Variants in CES3 observed in about 807,000 individuals in gnomAD.
The protein encoded by CES3 is carboxylesterase 3.
A neutral mutation model predicts 57.6 loss-of-function variants in CES3; 49 were observed. The observed-to-expected ratio is 0.85, with a 90% CI of 0.68 to 1.08. CES3 has a LOEUF of 1.08. CES3 is among the 50% of genes least tolerant of loss of function. The pLI is 0.00. For missense variants in CES3, 645 were observed against 742.0 expected, an observed-to-expected ratio of 0.87 and a Z score of 1.52; for synonymous variants, 266 against 281.6, an observed-to-expected ratio of 0.94 and a Z score of 0.55.
In CES3 at chr16:66,964,350, C is replaced by T. The variant is rs780130175; in HGVS notation, c.561-7C>T. 2 of 1,612,832 alleles carry T rather than the reference C, an allele frequency of 1.2e-6. No individual in the cohort carries two copies. Among genetic ancestry groups the T allele is most frequent in the African/African-American group, 1.3e-5 (1 of 75,042 alleles). On this transcript the variant is annotated splice_polypyrimidine_tract_variant and splice_region_variant and intron_variant, in intron 4 of 12. Coordinates refer to ENST00000303334, the MANE Select transcript of CES3 (RefSeq NM_024922.6). Reference sequence around the variant, plus strand: ...TGAACTAACCGTTGCCCCAACACTGCCCCCAGCACTGGAGATGAGCATGCA... The same window carrying T: ...TGAACTAACCGTTGCCCCAACACTGTCCCCAGCACTGGAGATGAGCATGCA...
At position 66,972,932 on chromosome 16, in the gene CES3, A is replaced by G; in HGVS notation, c.1599A>G (p.Pro533=). ...AATATCTGGAGATCAACCCAGTGCCACGGGCCGGACAGAAGTTCAGGGAGG... is the reference window on the plus strand; with the variant it reads ...AATATCTGGAGATCAACCCAGTGCCGCGGGCCGGACAGAAGTTCAGGGAGG... ...AEQYLEINPV[P]RAGQKFREAW... Residue 533 remains proline (P), a synonymous_variant, in exon 13 of 13, where the codon CCA becomes CCG. Transcript: ENST00000303334. The G allele has an allele frequency of 6.2e-7, 1 of 1,614,152 alleles. No individual in the cohort carries two copies. The highest frequency in any genetic ancestry group is 8.5e-7 in the Non-Finnish European group (1 of 1,180,018).
rs1420296420 is a variant in CES3, at chr16:66,972,494, G to T, written c.1430G>T (p.Ser477Ile). The T allele has an allele frequency of 1.2e-6, 2 of 1,612,852 alleles. No homozygotes were observed. Among genetic ancestry groups the T allele is most frequent in the Non-Finnish European group, 1.7e-6 (2 of 1,179,532 alleles). The change falls in exon 11 of 13, where the codon AGC becomes ATC. Residue 477 changes from serine (S) to isoleucine (I), a missense_variant. Transcript: ENST00000303334. ...GGAGGTCCCTTCCTCATGGACGAGA[G>T]CTCCCGCCTGGGTGAGGACAGACAG... The part of the protein sequence containing the change: ...VFGGPFLMDE[S>I]SRLAFPEATE...
In CES3 at chr16:66,975,132, A is replaced by G. The variant is rs1000580779; in HGVS notation, c.*2083A>G. The G allele has an allele frequency of 6.6e-6, 1 of 152,194 alleles. No homozygotes were observed. Among genetic ancestry groups the G allele is most frequent in the Admixed American group, 6.5e-5 (1 of 15,274 alleles). 9.4% of individuals were successfully genotyped at this position (152,194 alleles called of 1,614,324 possible). On this transcript the variant is annotated 3_prime_UTR_variant, in exon 13 of 13. Coordinates refer to ENST00000303334, the MANE Select transcript of CES3 (RefSeq NM_024922.6). ...GCTTTGTTCTTTCGCTCTTTGCAAT[A>G]AATCTTGCTACTGCCCACTCTTTGG...
intron 8 of CES3, among the ~76,000 whole-genome samples, chr16:66,968,183 G>A (rs1277950595): frequency 6.6e-6 from 1 of 152,092 alleles, no homozygotes; most frequent in Non-Finnish European, 1.5e-5. Flanking sequence ...TTTTGAGATG[G>A]AGTTTTGCTC....
rs1404311135 is a variant in CES3, at chr16:66,973,413, C to T, written c.*364C>T. ...AGCACAGTCCACCCGAGGCTAGCAC[C>T]GTGTCTGTGTCTGTCTCCCCCTCAG... On this transcript the variant is annotated 3_prime_UTR_variant, in exon 13 of 13. Transcript: ENST00000303334. 4 of 197,938 alleles carry T rather than the reference C, an allele frequency of 2.0e-5. No individual in the cohort carries two copies. Among genetic ancestry groups the T allele is most frequent in the Non-Finnish European group, 3.1e-5 (3 of 95,880 alleles). The allele number at this position is 197,938 out of a possible 1,614,324, so 12.3% of individuals were successfully genotyped here. A position where few individuals can be genotyped will look rare whatever the true frequency, so the allele number is the denominator to read the frequency against.
Position 66,966,296 on chromosome 16 carries a change from A to G in CES3, c.872A>G (p.Gln291Arg). Residue 291 changes from glutamine (Q) to arginine (R), a missense_variant, in exon 7 of 13, where the codon CAG becomes CGG. Coordinates refer to ENST00000303334, the MANE Select transcript of CES3 (RefSeq NM_024922.6). ...CSSSSPAEMV[Q>R]CLQQKEGEEL... The stretch of plus-strand genomic sequence containing the variant: ...TCCAGCTCCCCGGCTGAGATGGTGC[A>G]GTGCCTTCAGCAGAAAGAAGGAGAA... 6.2e-7 allele frequency: 1 copy of G among 1,613,762 alleles called. No homozygotes were observed. Among genetic ancestry groups the G allele is most frequent in the Non-Finnish European group, 8.5e-7 (1 of 1,179,982 alleles).
rs889206069 is a variant in CES3, at chr16:66,966,942, C to G, written c.1062+77C>G. The G allele has an allele frequency of 3.2e-6, 5 of 1,539,466 alleles. No homozygotes were observed. The African/African-American group carries it at 5.4e-5, about 17-fold the overall frequency. On this transcript the variant is annotated intron_variant, in intron 8 of 12. Transcript: ENST00000303334. ...TGCCACCCCAGCATCAACACTACAG[C>G]CTTGTGAACGGAGCACTCCCGTTAC...
intron 8 of CES3, among the ~76,000 whole-genome samples, 157 bp downstream of exon 8, chr16:66,967,022 A>C (rs1273757195): frequency 6.6e-6 from 1 of 152,074 alleles, no homozygotes; most frequent in Non-Finnish European, 1.5e-5. Flanking sequence ...GGACTTGCCC[A>C]AGGTCACCCA....
chr16:66,963,489 A>G lies in CES3; in HGVS notation c.288-2A>G, dbSNP rs1326146266. 1.9e-6 allele frequency: 3 copies of G among 1,611,014 alleles called. No individual in the cohort carries two copies. The highest frequency in any genetic ancestry group is 2.5e-6 in the Non-Finnish European group (3 of 1,177,514). ...GGACCTCAGGCCCACCCTTGGCCACAGGTGCCTACAAGACGTGGAGAGCAT... is the reference window on the plus strand; with the variant it reads ...GGACCTCAGGCCCACCCTTGGCCACGGGTGCCTACAAGACGTGGAGAGCAT... On this transcript the variant is annotated splice_acceptor_variant, in intron 2 of 12. Coordinates refer to ENST00000303334, the MANE Select transcript of CES3 (RefSeq NM_024922.6). LOFTEE classifies it high-confidence loss of function. This position sits in a 1 kb window ranked among gnomAD's most constrained non-coding sequence, Gnocchi z 4.9.
intron 8 of CES3, chr16:66,967,829 A>G: frequency 2.2e-6 from 2 of 901,902 alleles, no homozygotes; most frequent in Non-Finnish European, 2.7e-6. Context: ...CAGCGCCATC[A>G]TGACTCTCTA....
At chr16:66,972,269 A>G (rs1036932292) in intron 10 of CES3, 87 bp from the exon 11 acceptor site, 33 of 1,263,750 alleles carry the variant, frequency 2.6e-5, no homozygotes, top group Non-Finnish European at 3.4e-5. Context: ...CATCATGGAA[A>G]TTGGTGTTAT....
intron 8 of CES3, chr16:66,967,543 A>G: frequency 1.0e-6 from 1 of 985,526 alleles, no homozygotes; most frequent in Non-Finnish European, 1.2e-6. Context: ...CGGGGACTTC[A>G]TGAGCCAAGT....
rs777714775 is a variant in CES3 at position 66,963,398 on chromosome 16, T to A, written c.287+15T>A. 3 of 1,612,248 alleles carry A rather than the reference T, an allele frequency of 1.9e-6. No individual in the cohort carries two copies. Among genetic ancestry groups the A allele is most frequent in the Non-Finnish European group, 2.5e-6 (3 of 1,179,272 alleles). On this transcript the variant is annotated intron_variant, in intron 2 of 12. Transcript: ENST00000303334. The surrounding 1 kb of genome is among the most constrained non-coding windows in gnomAD (Gnocchi z 4.9). ...GCGCCCCCAATGTGAGTAGTGCTGG[T>A]GGAGGCGGGCAAACAGGCAGGTTGC...
intron 6 of CES3, among the ~76,000 whole-genome samples, chr16:66,965,209 G>A (rs886697773): frequency 6.6e-6 from 1 of 152,250 alleles, no homozygotes; most frequent in South Asian, 2.1e-4. Flanking sequence ...TTAGGGAACA[G>A]GGCAGGAAGT....
intron 1 of CES3, among the ~76,000 whole-genome samples, chr16:66,962,820 T>C (rs1429721378): frequency 2.6e-5 from 4 of 152,018 alleles, no homozygotes; most frequent in African/African-American, 4.8e-5. Context: ...TCGCTTGAAC[T>C]CGGGAGTCAG....
chr16:66,968,136 G>A (rs1963766511), intron 8 of CES3, among the ~76,000 whole-genome samples: 1 of 152,082 alleles, frequency 6.6e-6, no homozygotes, highest in Admixed American at 6.6e-5. Context: ...TGGCATTTGG[G>A]CATCTTCTAG....
intron 10 of CES3, 48 bp from the exon 11 acceptor site, chr16:66,972,308 C>A: frequency 6.7e-7 from 1 of 1,501,914 alleles, no homozygotes. Flanking sequence ...AAGGCAGCAT[C>A]GAATCAGGCC....
At chr16:66,972,298 A>C in intron 10 of CES3, 58 bp from the exon 11 acceptor site, 7 of 1,463,982 alleles carry the variant, frequency 4.8e-6, no homozygotes, top group Non-Finnish European at 6.4e-6. Context: ...TGTGCTGCCA[A>C]AGGCAGCATC....
At chr16:66,966,539 A>C in intron 7 of CES3, 186 bp from the exon 8 acceptor site, 1 of 845,168 alleles carries the variant, frequency 1.2e-6, no homozygotes, top group South Asian at 1.7e-5. Context: ...CTTCTAGGAA[A>C]GAAACTGGAC....
Sources: allele counts gnomAD v4.1 joint callset (sites outside exome capture counted in the v4.1 genomes callset), GRCh38; gene constraint gnomAD v4.1.1; non-coding constraint Gnocchi (gnomAD v3.1); transcripts MANE v1.5; gene names NCBI Gene and HGNC (gene_info 2026-07-23, HGNC 2026-07-21).